ASPHD1: variants seen among roughly 807,000 people sequenced by gnomAD.
The protein encoded by ASPHD1 is aspartate beta-hydroxylase domain-containing protein 1.
A neutral mutation model predicts 28.3 loss-of-function variants in ASPHD1; 20 were observed. The ratio of observed to expected loss-of-function variants is 0.71; its 90% CI spans 0.50 to 1.03. The LOEUF (loss-of-function observed/expected upper bound fraction) is 1.03, where lower values mean the gene tolerates loss of function less well. Ranked by LOEUF, ASPHD1 falls within the 50% of genes least tolerant of loss-of-function variation. The pLI, the probability that ASPHD1 is intolerant of heterozygous loss-of-function variation, is 0.00. For missense variants in ASPHD1, 479 were observed against 524.1 expected (o/e 0.91, Z 0.84); for synonymous variants, 240 against 221.2 (o/e 1.08, Z -0.75).
chr16:29,911,736 C>T (rs904043677), intron 3 of ASPHD1: 7 of 1,503,328 alleles, frequency 4.7e-6, no homozygotes, highest in Admixed American at 3.5e-5. Flanking sequence ...CCCGTGTGGC[C>T]GTGGCCCTCG....
At chr16:29,911,379 G>C (rs2068706165) in intron 3 of ASPHD1, 1 of 584,716 alleles carries the variant, frequency 1.7e-6, no homozygotes. Context: ...GCACAGCACA[G>C]CACAGCAGCT....
At chr16:29,911,122 G>A in intron 3 of ASPHD1, 1 of 1,614,152 alleles carries the variant, frequency 6.2e-7, no homozygotes, top group Non-Finnish European at 8.5e-7. Context: ...GGAAGCGCAG[G>A]GCCAGCTTGT....
chr16:29,908,724 A>C (rs1371603739), downstream of ASPHD1, among the ~76,000 whole-genome samples: 1 of 144,834 alleles, frequency 6.9e-6, no homozygotes, highest in Non-Finnish European at 1.5e-5. Flanking sequence ...TGTTTCTAAG[A>C]CAAGATCTCA....
chr16:29,911,302 T>G (rs978532030), intron 3 of ASPHD1: 1 of 720,604 alleles, frequency 1.4e-6, no homozygotes, highest in Admixed American at 2.7e-5. Flanking sequence ...ACAGAGAGCC[T>G]CCTCCACCCC....
At chr16:29,912,190 C>T in intron 3 of ASPHD1, 1 of 661,674 alleles carries the variant, frequency 1.5e-6, no homozygotes, top group Non-Finnish European at 2.7e-6. Flanking sequence ...GCTCCGCCAG[C>T]CTCTCTGCCA....
At chr16:29,917,075 T>C (rs1054693620) in intron 3 of ASPHD1, among the ~76,000 whole-genome samples, 1 of 152,228 alleles carries the variant, frequency 6.6e-6, no homozygotes, top group Non-Finnish European at 1.5e-5. Context: ...ATTTCTGCAA[T>C]GTCCTATTGG....
chr16:29,911,187 G>T, intron 3 of ASPHD1: 1 of 1,611,640 alleles, frequency 6.2e-7, no homozygotes, highest in Non-Finnish European at 8.5e-7. Flanking sequence ...GGGACCAGGG[G>T]ACCAGGAGGC....
chr16:29,911,146 G>A, intron 3 of ASPHD1: 2 of 1,614,112 alleles, frequency 1.2e-6, no homozygotes, highest in African/African-American at 2.7e-5. Context: ...ACAGCTCGAT[G>A]TTCTTAAGTA....
downstream of ASPHD1, chr16:29,906,089 G>T: frequency 2.1e-6 from 1 of 485,270 alleles, no homozygotes; most frequent in Non-Finnish European, 3.6e-6. Context: ...GGAGAGGCTG[G>T]GGCAGGGCCT....
downstream of ASPHD1, among the ~76,000 whole-genome samples, chr16:29,907,324 A>T (rs984572485): frequency 6.6e-6 from 1 of 152,122 alleles, no homozygotes; most frequent in Admixed American, 6.5e-5. Flanking sequence ...TCTCTCCTTC[A>T]TCTCCTTCCC....
chr16:29,918,909 C>T (rs2068860049), intron 3 of ASPHD1, among the ~76,000 whole-genome samples: 1 of 151,400 alleles, frequency 6.6e-6, no homozygotes, highest in Non-Finnish European at 1.5e-5. Context: ...CCACCTGCCT[C>T]AGCCTCCCAA....
rs1233976408 is a variant in ASPHD1, at chr16:29,901,900, C to T, written c.929C>T (p.Ala310Val). The change falls in exon 1 of 3, where the codon GCC becomes GTC. Residue 310 changes from alanine to valine, a missense_variant. Physicochemically the swap from Ala to Val is moderately conservative, Grantham distance 64 (BLOSUM62 0). Coordinates refer to ENST00000308748, the MANE Select transcript of ASPHD1 (RefSeq NM_181718.4). The surrounding 1 kb of genome is among the most constrained non-coding windows in gnomAD (Gnocchi z 5.1). ...GAGGGCCGCTGTGGGCCCACCAATG[C>T]CCGGGTCAGATGCCATCTGGGTAAG... ...RLEGRCGPTN[A>V]RVRCHLGLKI... 1 of 1,506,614 alleles carries T rather than the reference C, an allele frequency of 6.6e-7. No individual in the cohort carries two copies. Among genetic ancestry groups the T allele is most frequent in the Non-Finnish European group, 8.8e-7 (1 of 1,131,498 alleles). The allele number at this position is 1,506,614 out of a possible 1,614,324, so 93.3% of individuals were successfully genotyped here. A position where few individuals can be genotyped will look rare whatever the true frequency, so the allele number is the denominator to read the frequency against.
At chr16:29,903,791 G>A (rs1219552426) in intron 1 of ASPHD1, among the ~76,000 whole-genome samples, 1 of 152,110 alleles carries the variant, frequency 6.6e-6, no homozygotes, top group Non-Finnish European at 1.5e-5. Context: ...AAGTTTTCAA[G>A]TGCCACACTT....
At chr16:29,914,975 CAAA>C (rs538063744) in intron 3 of ASPHD1, 3 of 128,838 alleles carry the variant, frequency 2.3e-5, no homozygotes, top group Non-Finnish European at 5.0e-5. Context: ...GACTCTGTCT[CAAA>C]AAAAAAAAAA....
chr16:29,907,549 G>A (rs2068635052), downstream of ASPHD1, among the ~76,000 whole-genome samples: 2 of 152,184 alleles, frequency 1.3e-5, no homozygotes, highest in South Asian at 2.1e-4. Flanking sequence ...CACTTTGGGA[G>A]GCCAAGGTGG....
chr16:29,910,393 T>C (rs1213416876), downstream of ASPHD1, among the ~76,000 whole-genome samples: 3 of 151,070 alleles, frequency 2.0e-5, no homozygotes, highest in Admixed American at 6.6e-5. Flanking sequence ...CGAGACTCCA[T>C]CTCAAATAAT....
downstream of ASPHD1, among the ~76,000 whole-genome samples, chr16:29,907,807 A>T (rs2068638381): frequency 2.0e-5 from 3 of 151,842 alleles, no homozygotes; most frequent in Non-Finnish European, 4.4e-5. Flanking sequence ...ATAAATAAAT[A>T]AAATAAAATA....
intron 3 of ASPHD1, chr16:29,911,089 C>G: frequency 6.2e-7 from 1 of 1,614,210 alleles, no homozygotes; most frequent in Non-Finnish European, 8.5e-7. Flanking sequence ...CCAGGACATC[C>G]TTGAGGAAGA....
chr16:29,904,306 C>T (rs949212198), intron 1 of ASPHD1, among the ~76,000 whole-genome samples: 4 of 151,582 alleles, frequency 2.6e-5, no homozygotes, highest in Non-Finnish European at 5.9e-5. Context: ...ATTAGCCAGG[C>T]GTGGTGGCAG....
Sources: allele counts gnomAD v4.1 joint callset (sites outside exome capture counted in the v4.1 genomes callset), GRCh38; gene constraint gnomAD v4.1.1; non-coding constraint Gnocchi (gnomAD v3.1); transcripts MANE v1.5; gene names NCBI Gene and HGNC (gene_info 2026-07-23, HGNC 2026-07-21).